The following PCDHA9 variants were observed in gnomAD, a reference collection of about 807,000 sequenced individuals.
The protein encoded by PCDHA9 is protocadherin alpha-9.
Under a neutral mutation model 62.0 loss-of-function variants are expected in PCDHA9, and 62 were observed. That is an observed-to-expected ratio of 1.00 (90% CI 0.81 to 1.23). The LOEUF (loss-of-function observed/expected upper bound fraction) is 1.23, where lower values mean the gene tolerates loss of function less well. PCDHA9 is among the 50% of genes most tolerant of loss of function. The probability of loss-of-function intolerance (pLI) is 0.00; values close to 1 mark genes in which losing one functional copy is unlikely to be tolerated. For synonymous variants in PCDHA9, 557 were observed against 567.6 expected, an observed-to-expected ratio of 0.98 and a Z score of 0.27; for missense variants, 1,205 against 1,249.8, an observed-to-expected ratio of 0.96 and a Z score of 0.54.
At chr5:140,941,957 A>G (rs1254816482) in intron 1 of PCDHA9, among the ~76,000 whole-genome samples, 1 of 152,234 alleles carries the variant, frequency 6.6e-6, no homozygotes, top group Non-Finnish European at 1.5e-5. Flanking sequence ...TGAAAACAAT[A>G]GTATCTTTAC....
intron 2 of PCDHA9, among the ~76,000 whole-genome samples, chr5:140,979,920 C>T (rs1554241253): frequency 6.6e-6 from 1 of 152,206 alleles, no homozygotes; most frequent in Non-Finnish European, 1.5e-5. Flanking sequence ...AAGAGAAAGC[C>T]TACAAAGTAT....
At chr5:140,914,944 C>CTTTT (rs35695909) in intron 1 of PCDHA9, among the ~76,000 whole-genome samples, 1 of 128,266 alleles carries the variant, frequency 7.8e-6, no homozygotes, top group South Asian at 2.5e-4. Context: ...GAAAAGTTGT[C>CTTTT]TTTTTTTTTT....
chr5:140,941,211 CTTCCTTTCTTTCTTTCTTTCTTT>C (rs2092859339), intron 1 of PCDHA9, among the ~76,000 whole-genome samples: 20 of 129,726 alleles, frequency 1.5e-4, no homozygotes, highest in Admixed American at 7.8e-4. Flanking sequence ...TCCTTTCTTT[CTTCCTTTCTTTCTTTCTTTCTTT>C]CTTTCTTTCT....
chr5:140,862,674 C>A (rs782474067), intron 1 of PCDHA9: 5 of 549,972 alleles, frequency 9.1e-6, no homozygotes, highest in Non-Finnish European at 1.5e-5. Context: ...CGCAGGAGAA[C>A]GTGCTGGTGT....
At chr5:140,927,494 T>C (rs1235909927) in intron 1 of PCDHA9, 5 of 1,614,018 alleles carry the variant, frequency 3.1e-6, no homozygotes, top group Non-Finnish European at 4.2e-6. Context: ...ACCCACCTGC[T>C]GGTGCTTACA....
At chr5:140,970,243 T>C (rs1554232347) in intron 1 of PCDHA9, among the ~76,000 whole-genome samples, 1 of 152,252 alleles carries the variant, frequency 6.6e-6, no homozygotes, top group Non-Finnish European at 1.5e-5. Flanking sequence ...TGATTTTCTG[T>C]TGACAGTTTC....
chr5:140,850,958 A>C (rs2150503998), intron 1 of PCDHA9, 69 bp downstream of exon 1: 1 of 1,481,832 alleles, frequency 6.7e-7, no homozygotes, highest in Admixed American at 2.4e-5. Context: ...GATTACTCCC[A>C]GGGGCCGTTC....
At chr5:140,868,767 C>A in intron 1 of PCDHA9, 1 of 249,464 alleles carries the variant, frequency 4.0e-6, no homozygotes, top group East Asian at 8.4e-5. Context: ...TATTTAGTTT[C>A]AATATGACTT....
At chr5:140,869,729 A>T (rs1554163384) in intron 1 of PCDHA9, 2 of 1,613,280 alleles carry the variant, frequency 1.2e-6, no homozygotes, top group Non-Finnish European at 1.7e-6. Context: ...CCGGAACTTA[A>T]TTTGCTGCTA....
rs373307820 is a variant in PCDHA9 at position 140,857,638 on chromosome 5, A to G, written c.2394+6749A>G. The G allele has an allele frequency of 1.1e-4, 174 of 1,596,206 alleles. 22 individuals are homozygous for G. The highest frequency in any genetic ancestry group is 1.4e-4 in the Non-Finnish European group (161 of 1,167,602). ...TGGACCACGAGGAGCTGGAGCTGCT[A>G]CAGTTCCAGGTGAGCGCGCGCGATG... is the stretch of plus-strand genomic sequence containing the variant. On this transcript the variant is annotated intron_variant, in intron 1 of 3. Transcript: ENST00000532602.
At chr5:140,968,862 G>C (rs375652776) in intron 1 of PCDHA9, 3 of 1,614,126 alleles carry the variant, frequency 1.9e-6, no homozygotes, top group Middle Eastern at 1.7e-4. Context: ...AAGAGCCCTC[G>C]GACATACTCT....
At position 141,011,145 on chromosome 5, in the gene PCDHA9, TCTC is replaced by T. The variant is rs1410974061; in HGVS notation, c.*1209_*1211del. The T allele has an allele frequency of 6.5e-6, 1 of 153,734 alleles. No individual in the cohort carries two copies. Among genetic ancestry groups the T allele is most frequent in the Non-Finnish European group, 1.5e-5 (1 of 68,036 alleles). 9.5% of individuals were successfully genotyped at this position (153,734 alleles called of 1,614,324 possible). A position where few individuals can be genotyped will look rare whatever the true frequency, so the allele number is the denominator to read the frequency against. On this transcript the variant is annotated 3_prime_UTR_variant, in exon 4 of 4. Transcript: ENST00000532602. Reference sequence around the variant, plus strand: ...TTATGTGCACTTTGATACACAACCTTCTCTAACCAACTATATATCAAGACCCAA... The same window carrying T: ...TTATGTGCACTTTGATACACAACCTTTAACCAACTATATATCAAGACCCAA...
At chr5:140,856,508 G>A (rs2044043194) in intron 1 of PCDHA9, 6 of 1,598,282 alleles carry the variant, frequency 3.8e-6, no homozygotes, top group Non-Finnish European at 5.1e-6. Context: ...ATTTCCACTA[G>A]AAGGCGCATC....
chr5:140,971,943 A>T (rs2096507947), intron 1 of PCDHA9, among the ~76,000 whole-genome samples: 1 of 152,186 alleles, frequency 6.6e-6, no homozygotes, highest in Non-Finnish European at 1.5e-5. Flanking sequence ...AGTTGTATCC[A>T]TCTGACTCCA....
chr5:141,010,446 C>G lies in PCDHA9; in HGVS notation c.*509C>G, dbSNP rs951181939. 39 of 944,590 alleles carry G rather than the reference C, an allele frequency of 4.1e-5. No homozygotes were observed. Among genetic ancestry groups the G allele is most frequent in the Non-Finnish European group, 5.6e-5 (37 of 656,282 alleles). The allele number at this position is 944,590 out of a possible 1,614,324, so 58.5% of individuals were successfully genotyped here. On this transcript the variant is annotated 3_prime_UTR_variant, in exon 4 of 4. Coordinates refer to ENST00000532602, the MANE Select transcript of PCDHA9 (RefSeq NM_031857.2). ...AGGCAAGAAAACAAAGACAAATAAA[C>G]AGCGGAAGTTATCAGTATGGAGGGG...
intron 1 of PCDHA9, chr5:140,867,796 C>A (rs1477266622): frequency 4.6e-5 from 7 of 152,060 alleles, no homozygotes; most frequent in African/African-American, 1.7e-4. Context: ...TTTTACTTAG[C>A]ATTTTCTATG....
chr5:140,969,117 A>G (rs1554231477), intron 1 of PCDHA9: 1 of 1,614,178 alleles, frequency 6.2e-7, no homozygotes, highest in Non-Finnish European at 8.5e-7. Context: ...GTTCGAGGGA[A>G]TGGCTCCCTC....
chr5:140,928,231 C>T (rs2085058715), intron 1 of PCDHA9: 2 of 1,614,108 alleles, frequency 1.2e-6, no homozygotes, highest in South Asian at 2.2e-5. Context: ...AAACTTTCCT[C>T]AACCCCAGCA....
intron 3 of PCDHA9, among the ~76,000 whole-genome samples, chr5:140,985,145 G>A (rs2097138679): frequency 6.6e-6 from 1 of 152,080 alleles, no homozygotes; most frequent in South Asian, 2.1e-4. Context: ...CACCGTGTTA[G>A]CCAGGATTGT....
Sources: allele counts gnomAD v4.1 joint callset (sites outside exome capture counted in the v4.1 genomes callset), GRCh38; gene constraint gnomAD v4.1.1; transcripts MANE v1.5; gene names NCBI Gene and HGNC (gene_info 2026-07-23, HGNC 2026-07-21).